The following SH3RF1 variants were observed in gnomAD, a reference collection of about 807,000 sequenced individuals.
SH3RF1 encodes the protein SH3 domain containing ring finger 1, also known as E3 ubiquitin-protein ligase SH3RF1.
SH3RF1 carries 32 observed loss-of-function variants against 74.0 expected under a neutral mutation model. That is an observed-to-expected ratio of 0.43 (90% confidence interval 0.33 to 0.58). The LOEUF is 0.58. Among genes scored for constraint, SH3RF1 ranks in the 20% least tolerant of loss-of-function variants. The pLI is 0.05. For missense variants in SH3RF1, 954 were observed against 1,130.9 expected (o/e 0.84, Z 2.24); for synonymous variants, 396 against 439.6 (o/e 0.90, Z 1.24).
At chr4:169,116,243 GA>G (rs1205536424) in intron 10 of SH3RF1, 25 bp downstream of exon 10, 3 of 1,561,496 alleles carry the variant, frequency 1.9e-6, no homozygotes, top group Admixed American at 3.7e-5. Flanking sequence ...GTAAAGCAGA[GA>G]AACAGTAAGT....
intron 2 of SH3RF1, among the ~76,000 whole-genome samples, chr4:169,258,014 T>C (rs1731219518): frequency 6.6e-6 from 1 of 152,206 alleles, no homozygotes; most frequent in African/African-American, 2.4e-5. Context: ...CATATCCAGG[T>C]GCCAATCTGA....
chr4:169,179,921 A>G (rs1393310949), intron 2 of SH3RF1, among the ~76,000 whole-genome samples: 1 of 152,204 alleles, frequency 6.6e-6, no homozygotes, highest in Admixed American at 6.5e-5. Flanking sequence ...ATCATGGTGG[A>G]TGGTGTGAAC....
intron 2 of SH3RF1, among the ~76,000 whole-genome samples, chr4:169,204,987 C>T (rs946935056): frequency 1.3e-5 from 2 of 152,030 alleles, no homozygotes; most frequent in Non-Finnish European, 2.9e-5. Context: ...TTTTCTGGGT[C>T]AATCAGTCAT....
intron 2 of SH3RF1, among the ~76,000 whole-genome samples, chr4:169,174,775 A>G (rs1408241594): frequency 6.6e-6 from 1 of 152,172 alleles, no homozygotes; most frequent in East Asian, 1.9e-4. Flanking sequence ...AATTAAATAA[A>G]AATCTCTGGG....
At chr4:169,257,202 A>G (rs138614718) in intron 2 of SH3RF1, among the ~76,000 whole-genome samples, 6 of 152,348 alleles carry the variant, frequency 3.9e-5, no homozygotes, top group Non-Finnish European at 8.8e-5. Flanking sequence ...GTCCAGCAGG[A>G]ATCACAGAGC....
chr4:169,182,993 G>C (rs1329654605), intron 2 of SH3RF1, among the ~76,000 whole-genome samples: 1 of 152,152 alleles, frequency 6.6e-6, no homozygotes, highest in Non-Finnish European at 1.5e-5. Context: ...ACCCGGCTGA[G>C]CAACATAGCA....
intron 2 of SH3RF1, among the ~76,000 whole-genome samples, chr4:169,194,019 G>A (rs1734769382): frequency 1.3e-5 from 2 of 151,998 alleles, no homozygotes; most frequent in African/African-American, 2.4e-5. Flanking sequence ...TGTAAAAAGG[G>A]GCTAGCCTAC....
At chr4:169,161,033 G>A (rs1253531317) in intron 2 of SH3RF1, among the ~76,000 whole-genome samples, 4 of 152,182 alleles carry the variant, frequency 2.6e-5, no homozygotes, top group East Asian at 1.9e-4. Context: ...CCAAACTGCT[G>A]CTTTTCTTCT....
In SH3RF1 at chr4:169,113,247, A is replaced by T. The variant is rs189402612; in HGVS notation, c.2139+3022T>A. Among the ~76,000 whole-genome samples, 3 of 152,072 alleles carry T rather than the reference A, an allele frequency of 2.0e-5. No homozygotes were observed. In the East Asian group the frequency reaches 5.8e-4, roughly 29 times the overall value. ...AGCTTCAGCCTCCTGAGTAGCTGGG[A>T]TTACAGGCATGTGCCACCACACCCA... On this transcript the variant is annotated intron_variant, in intron 10 of 11. Coordinates refer to ENST00000284637, the MANE Select transcript of SH3RF1 (RefSeq NM_020870.4).
chr4:169,166,112 GGT>G (rs150974616), intron 2 of SH3RF1, among the ~76,000 whole-genome samples: 48,205 of 151,500 alleles, frequency 0.32, 7,941 homozygotes, highest in African/African-American at 0.4. Context: ...TGAAAAATTA[GGT>G]TCAACAACAA....
chr4:169,136,720 A>C, intron 4 of SH3RF1, 100 bp from the exon 5 acceptor site: 2 of 1,293,784 alleles, frequency 1.5e-6, no homozygotes, highest in Non-Finnish European at 2.0e-6. Flanking sequence ...ATTTAAAGTC[A>C]CTACTTTAAA....
chr4:169,110,087 G>A (rs1341190782), intron 10 of SH3RF1, among the ~76,000 whole-genome samples: 4 of 144,112 alleles, frequency 2.8e-5, no homozygotes, highest in Non-Finnish European at 6.1e-5. Flanking sequence ...GAAAATGAAC[G>A]TTAGAGGCCG....
At chr4:169,265,061 A>C (rs116389182) in intron 2 of SH3RF1, among the ~76,000 whole-genome samples, 2 of 152,134 alleles carry the variant, frequency 1.3e-5, no homozygotes, top group African/African-American at 4.8e-5. Flanking sequence ...TCTTTCTTCT[A>C]TCCTCTCCCC....
At chr4:169,258,914 T>C (rs935565890) in intron 2 of SH3RF1, among the ~76,000 whole-genome samples, 15 of 152,160 alleles carry the variant, frequency 9.9e-5, no homozygotes, top group African/African-American at 2.9e-4. Context: ...CTTTTCAACA[T>C]TACTGCTCAC....
Position 169,107,013 on chromosome 4 carries a change from C to T in SH3RF1, c.2332G>A (p.Asp778Asn). The T allele has an allele frequency of 3.7e-6, 6 of 1,613,960 alleles. No homozygotes were observed. Among genetic ancestry groups the T allele is most frequent in the Middle Eastern group, 1.6e-4 (1 of 6,062 alleles). Reference protein sequence around the residue: ...GRAGSCPVDGDGPVTTAVAGA... With the variant: ...GRAGSCPVDGNGPVTTAVAGA... Reference sequence around the variant, plus strand: ...GCCACTGCAGTCGTGACCGGTCCGTCCCCGTCCACAGGGCAGGAGCCTGCC... The same window carrying T: ...GCCACTGCAGTCGTGACCGGTCCGTTCCCGTCCACAGGGCAGGAGCCTGCC... Residue 778 changes from aspartate (D) to asparagine (N), a missense_variant, in exon 11 of 12, where the codon GAC becomes AAC. Coordinates refer to ENST00000284637, the MANE Select transcript of SH3RF1 (RefSeq NM_020870.4).
At chr4:169,113,052 G>A (rs1476771162) in intron 10 of SH3RF1, among the ~76,000 whole-genome samples, 1 of 152,012 alleles carries the variant, frequency 6.6e-6, no homozygotes, top group Non-Finnish European at 1.5e-5. Flanking sequence ...ATAATCTGGT[G>A]AATCTGGGAT....
intron 1 of SH3RF1, chr4:169,269,887 A>G (rs1731418019): frequency 6.6e-6 from 1 of 152,240 alleles, no homozygotes. Context: ...GACAATTCTA[A>G]AAGACACAGA....
chr4:169,101,674 C>CAAA (rs3070770), intron 11 of SH3RF1, among the ~76,000 whole-genome samples: 82 of 85,774 alleles, frequency 9.6e-4, no homozygotes, highest in Middle Eastern at 6.3e-3. Context: ...AAAAAAAAGG[C>CAAA]AAAAAAAAAA....
intron 6 of SH3RF1, among the ~76,000 whole-genome samples, chr4:169,127,157 A>G (rs1457072145): frequency 6.6e-6 from 1 of 152,236 alleles, no homozygotes; most frequent in Non-Finnish European, 1.5e-5. Context: ...AGATACATGT[A>G]ATACCAGTAT....
Sources: allele counts gnomAD v4.1 joint callset (sites outside exome capture counted in the v4.1 genomes callset), GRCh38; gene constraint gnomAD v4.1.1; transcripts MANE v1.5; gene names NCBI Gene and HGNC (gene_info 2026-07-23, HGNC 2026-07-21).